OSTM1: variants seen among roughly 807,000 people sequenced by gnomAD.
The protein encoded by OSTM1 is osteoclastogenesis associated transmembrane protein 1.
Under a neutral mutation model 35.4 loss-of-function variants are expected in OSTM1, and 26 were observed. The observed-to-expected ratio is 0.73, with a 90% CI of 0.54 to 1.02. The LOEUF is 1.02. Among genes scored for constraint, OSTM1 ranks in the 50% least tolerant of loss-of-function variants. The pLI, the probability that OSTM1 is intolerant of heterozygous loss-of-function variation, is 0.00. For synonymous variants in OSTM1, 181 were observed against 165.0 expected, an observed-to-expected ratio of 1.10 and a Z score of -0.75; for missense variants, 366 against 409.6, an observed-to-expected ratio of 0.89 and a Z score of 0.92.
At chr6:108,048,609 C>G (rs769334613) in intron 5 of OSTM1, among the ~76,000 whole-genome samples, 1 of 152,162 alleles carries the variant, frequency 6.6e-6, no homozygotes, top group East Asian at 1.9e-4. Context: ...TCCGATGGGT[C>G]TAAGAGCTGT....
At chr6:108,051,623 G>T (rs1772075785) in intron 3 of OSTM1, among the ~76,000 whole-genome samples, 1 of 152,058 alleles carries the variant, frequency 6.6e-6, no homozygotes, top group Middle Eastern at 3.2e-3. Flanking sequence ...AATAAAATAG[G>T]TTCCTGCCTA....
At chr6:108,047,477 T>C (rs1771997554) in intron 5 of OSTM1, among the ~76,000 whole-genome samples, 1 of 152,224 alleles carries the variant, frequency 6.6e-6, no homozygotes, top group South Asian at 2.1e-4. Context: ...TGGGAACACA[T>C]TAAGCATTCC....
rs1771928698 is a variant in OSTM1, at chr6:108,044,382, C to G, written c.*403G>C. 1 of 158,506 alleles carries G rather than the reference C, an allele frequency of 6.3e-6. No homozygotes were observed. Among genetic ancestry groups the G allele is most frequent in the South Asian group, 1.9e-4 (1 of 5,390 alleles). The allele number at this position is 158,506 out of a possible 1,614,324, so 9.8% of individuals were successfully genotyped here. A position where few individuals can be genotyped will look rare whatever the true frequency, so the allele number is the denominator to read the frequency against. ...AAGCTACTTCCTAACAAGTACATTT[C>G]TTTTTCAAAGTCTTTACTGTAACTG... On this transcript the variant is annotated 3_prime_UTR_variant, in exon 6 of 6. Transcript: ENST00000193322.
At chr6:108,067,254 C>T (rs2114609293) in intron 1 of OSTM1, among the ~76,000 whole-genome samples, 1 of 152,276 alleles carries the variant, frequency 6.6e-6, no homozygotes, top group African/African-American at 2.4e-5. Context: ...GAAACTCTAA[C>T]CTGCCTACCC....
chr6:108,058,510 C>T (rs1772205821), intron 2 of OSTM1, among the ~76,000 whole-genome samples: 1 of 152,154 alleles, frequency 6.6e-6, no homozygotes, highest in Non-Finnish European at 1.5e-5. Context: ...GGTTTTGGGC[C>T]GGGCGCAGTG....
rs148491777 is a variant in OSTM1, at chr6:108,064,116, A to C, written c.517+69T>G. On this transcript the variant is annotated intron_variant, in intron 2 of 5. Transcript: ENST00000193322. ...TCCAGCTTCAAAGATCCCAAAATTC[A>C]CTAAAATAAAATCTGACATCTGTAC... 5,478 of 834,928 alleles carry C rather than the reference A, an allele frequency of 6.6e-3. 99 individuals carry two copies. Among genetic ancestry groups the C allele is most frequent in the East Asian group, 0.042 (1,748 of 41,276 alleles). 51.7% of individuals were successfully genotyped at this position (834,928 alleles called of 1,614,324 possible).
At chr6:108,072,361 T>TGGTGGCTCACACCTGTAATCC (rs1772499592) in intron 1 of OSTM1, among the ~76,000 whole-genome samples, 2 of 152,102 alleles carry the variant, frequency 1.3e-5, no homozygotes, top group Non-Finnish European at 2.9e-5. Flanking sequence ...TGGCCAGGTG[T>TGGTGGCTCACACCTGTAATCC]GGTGGCTCAC....
At chr6:108,062,571 A>G (rs1772301722) in intron 2 of OSTM1, among the ~76,000 whole-genome samples, 1 of 139,128 alleles carries the variant, frequency 7.2e-6, no homozygotes, top group Admixed American at 8.0e-5. Context: ...TGTTGTAGAT[A>G]GGGTCTCGTT....
chr6:108,072,842 T>C (rs1236639761), intron 1 of OSTM1, among the ~76,000 whole-genome samples: 2 of 152,102 alleles, frequency 1.3e-5, no homozygotes, highest in African/African-American at 4.8e-5. Flanking sequence ...ACCCCAACCT[T>C]GGCCTTCCAG....
chr6:108,056,018 C>A, intron 2 of OSTM1, among the ~76,000 whole-genome samples: 1 of 152,128 alleles, frequency 6.6e-6, no homozygotes, highest in East Asian at 1.9e-4. Flanking sequence ...AGAAAGGCAG[C>A]AAGGCAAGTA....
intron 1 of OSTM1, among the ~76,000 whole-genome samples, chr6:108,072,253 G>A (rs1172593595): frequency 6.6e-6 from 1 of 152,154 alleles, no homozygotes; most frequent in African/African-American, 2.4e-5. Flanking sequence ...TTATTTTAAA[G>A]TGATAGTAAG....
intron 2 of OSTM1, among the ~76,000 whole-genome samples, chr6:108,056,477 T>G (rs1035532350): frequency 6.6e-6 from 1 of 152,182 alleles, no homozygotes; most frequent in Non-Finnish European, 1.5e-5. Flanking sequence ...CCCATAGATA[T>G]CTTACACCAT....
chr6:108,050,935 T>C, intron 4 of OSTM1, 96 bp downstream of exon 4: 1 of 1,040,152 alleles, frequency 9.6e-7, no homozygotes, highest in Non-Finnish European at 1.5e-6. Flanking sequence ...GGACAGAATA[T>C]GCAGATTCCA....
chr6:108,046,625 G>A (rs564981031), intron 5 of OSTM1, among the ~76,000 whole-genome samples: 21 of 152,190 alleles, frequency 1.4e-4, no homozygotes, highest in Middle Eastern at 6.8e-3. Context: ...GATTACAGGC[G>A]TGAGCCACCG....
chr6:108,044,828 T>C lies in OSTM1; in HGVS notation c.962A>G (p.Lys321Arg), dbSNP rs764054650. The C allele has an allele frequency of 2.6e-6, 4 of 1,558,610 alleles. No individual in the cohort carries two copies. The highest frequency in any genetic ancestry group is 2.4e-5 in the South Asian group (2 of 84,864). The change falls in exon 6 of 6, where the codon AAG becomes AGG. Residue 321 changes from lysine (K) to arginine (R), a missense_variant. Lys to Arg is a conservative substitution (Grantham distance 26). Coordinates refer to ENST00000193322, the MANE Select transcript of OSTM1 (RefSeq NM_014028.4). ...KRKLILPKRLKSSTSFANIQE... is the reference protein window; with the variant it reads ...KRKLILPKRLRSSTSFANIQE... ...AATATTTGCAAAACTGGTACTGGAC[T>C]TGAGACGTTTGGCTAGATAAATCAA...
chr6:108,051,363 T>G (rs2114593455), intron 3 of OSTM1, among the ~76,000 whole-genome samples, 165 bp from the exon 4 acceptor site: 1 of 152,328 alleles, frequency 6.6e-6, no homozygotes. Flanking sequence ...CTCAGTTTTA[T>G]CATCTATAAA....
intron 2 of OSTM1, among the ~76,000 whole-genome samples, chr6:108,062,072 G>C (rs1361825322): frequency 6.7e-6 from 1 of 150,360 alleles, no homozygotes; most frequent in East Asian, 1.9e-4. Flanking sequence ...TATATACTAT[G>C]GTTTTTTCTG....
At chr6:108,052,737 A>G (rs1220963445) in intron 3 of OSTM1, among the ~76,000 whole-genome samples, 1 of 152,176 alleles carries the variant, frequency 6.6e-6, no homozygotes, top group Non-Finnish European at 1.5e-5. Context: ...TGACAGACCA[A>G]GACAAAATAG....
At chr6:108,065,661 G>C (rs9374016) in intron 1 of OSTM1, among the ~76,000 whole-genome samples, 35,244 of 152,102 alleles carry the variant, frequency 0.23, 4,176 homozygotes, top group Admixed American at 0.26. Context: ...GGGTCCTACA[G>C]TTACTGTATT....
Sources: allele counts gnomAD v4.1 joint callset (sites outside exome capture counted in the v4.1 genomes callset), GRCh38; gene constraint gnomAD v4.1.1; transcripts MANE v1.5; gene names NCBI Gene and HGNC (gene_info 2026-07-23, HGNC 2026-07-21).